COMMD10: variants seen among roughly 807,000 people sequenced by gnomAD.
COMMD10 encodes COMM domain-containing protein 10.
Under a neutral mutation model 28.9 loss-of-function variants are expected in COMMD10, and 33 were observed. The observed-to-expected ratio is 1.14, with a 90% confidence interval of 0.87 to 1.53. The LOEUF (loss-of-function observed/expected upper bound fraction) is 1.53. Among genes scored for constraint, COMMD10 ranks in the 40% most tolerant of loss-of-function variants. The probability of loss-of-function intolerance (pLI) is 0.00; values close to 1 mark genes in which losing one functional copy is unlikely to be tolerated. For missense variants in COMMD10, 310 were observed against 233.4 expected (o/e 1.33, Z -2.14); for synonymous variants, 110 against 81.7 (o/e 1.35, Z -1.87).
intron 6 of COMMD10, 47 bp from the exon 7 acceptor site, chr5:116,292,404 T>G: frequency 7.3e-7 from 1 of 1,371,524 alleles, no homozygotes; most frequent in Non-Finnish European, 9.8e-7. Flanking sequence ...GATATGAGTT[T>G]CGTTCCCTTC....
chr5:116,226,072 G>A (rs372560507), intron 5 of COMMD10, among the ~76,000 whole-genome samples: 4 of 152,066 alleles, frequency 2.6e-5, no homozygotes, highest in African/African-American at 9.6e-5. Flanking sequence ...ATGGAGTTTG[G>A]TCAGTGCCTT....
At chr5:116,132,672 C>G (rs549872514) in intron 4 of COMMD10, among the ~76,000 whole-genome samples, 1 of 152,126 alleles carries the variant, frequency 6.6e-6, no homozygotes, top group South Asian at 2.1e-4. Context: ...TATGCCAGTG[C>G]TTTTTTATAT....
chr5:116,114,700 G>A (rs1241669063), intron 4 of COMMD10, among the ~76,000 whole-genome samples: 1 of 152,206 alleles, frequency 6.6e-6, no homozygotes, highest in Non-Finnish European at 1.5e-5. Context: ...ATGGGAGAGT[G>A]GGGCTACTGG....
chr5:116,140,231 A>ATGTGTGTGTG (rs3072964), intron 5 of COMMD10, among the ~76,000 whole-genome samples: 13,110 of 146,928 alleles, frequency 0.089, 1,216 homozygotes, highest in African/African-American at 0.23. Context: ...TCATACTACT[A>ATGTGTGTGTG]TGTGTGTGTG....
At chr5:116,091,285 A>G (rs1237767069) in intron 3 of COMMD10, 96 bp downstream of exon 3, 2 of 559,598 alleles carry the variant, frequency 3.6e-6, no homozygotes, top group African/African-American at 1.9e-5. Context: ...TTAATTAAAA[A>G]GTATGCAAGA....
At chr5:116,237,304 G>C (rs1749692701) in intron 5 of COMMD10, among the ~76,000 whole-genome samples, 1 of 152,152 alleles carries the variant, frequency 6.6e-6, no homozygotes, top group African/African-American at 2.4e-5. Context: ...CTAGTGTAAA[G>C]ATTTCTTAGT....
chr5:116,149,435 A>T (rs1461879587), intron 5 of COMMD10, among the ~76,000 whole-genome samples: 1 of 148,462 alleles, frequency 6.7e-6, no homozygotes, highest in Non-Finnish European at 1.5e-5. Context: ...CGCCACACAG[A>T]CTTCCACAAT....
In COMMD10 at chr5:116,254,885, A is replaced by T. The variant is rs577587042; in HGVS notation, c.511-36632A>T. Among the ~76,000 whole-genome samples, 1,456 of 151,120 alleles carry T rather than the reference A, an allele frequency of 9.6e-3. 32 individuals carry two copies. Among genetic ancestry groups the T allele is most frequent in the African/African-American group, 0.03 (1,221 of 40,750 alleles). On this transcript the variant is annotated intron_variant, in intron 5 of 6. Transcript: ENST00000274458. ...TTTCTGTCTCGTTGATCTGTCTAAT[A>T]TTGACAGTGGGGTGTTAAAGTCTCC...
intron 4 of COMMD10, among the ~76,000 whole-genome samples, chr5:116,133,765 A>G (rs889645466): frequency 6.6e-6 from 1 of 152,204 alleles, no homozygotes; most frequent in African/African-American, 2.4e-5. Flanking sequence ...TTACTATTTA[A>G]TATTTAAAAA....
chr5:116,202,976 A>G (rs1036292120), intron 5 of COMMD10, among the ~76,000 whole-genome samples: 7 of 151,860 alleles, frequency 4.6e-5, no homozygotes, highest in African/African-American at 9.7e-5. Flanking sequence ...CTATGTCCTG[A>G]ATGGTATTGC....
chr5:116,171,700 C>G (rs1384556304), intron 5 of COMMD10, among the ~76,000 whole-genome samples: 2 of 152,052 alleles, frequency 1.3e-5, no homozygotes, highest in Non-Finnish European at 2.9e-5. Context: ...AAGCTGGAAA[C>G]CATCATTCTG....
At chr5:116,215,622 G>A (rs1023528771) in intron 5 of COMMD10, among the ~76,000 whole-genome samples, 4 of 150,546 alleles carry the variant, frequency 2.7e-5, no homozygotes, top group African/African-American at 9.7e-5. Flanking sequence ...GGGAGGCGGA[G>A]GTTGCAGTGA....
At chr5:116,104,906 AC>A (rs771421322) in intron 4 of COMMD10, among the ~76,000 whole-genome samples, 1 of 152,206 alleles carries the variant, frequency 6.6e-6, no homozygotes, top group Non-Finnish European at 1.5e-5. Context: ...GGCGTGAGCC[AC>A]CGCACCCAGC....
In COMMD10 at chr5:116,291,578, T is replaced by A; in HGVS notation, c.570+2T>A. 1 of 1,524,602 alleles carries A rather than the reference T, an allele frequency of 6.6e-7. No homozygotes were observed. Among genetic ancestry groups the A allele is most frequent in the South Asian group, 1.2e-5 (1 of 81,378 alleles). The allele number at this position is 1,524,602 out of a possible 1,614,324, so 94.4% of individuals were successfully genotyped here. On this transcript the variant is annotated splice_donor_variant, in intron 6 of 6. Transcript: ENST00000274458. LOFTEE classifies it high-confidence loss of function. ...GAGTTGTTTGATTTCTATAACAAGG[T>A]CTGTATTTTTAAAATAATTTTCTAA... is the stretch of plus-strand genomic sequence containing the variant.
intron 1 of COMMD10, 199 bp downstream of exon 1, chr5:116,085,292 G>A (rs920997808): frequency 1.7e-6 from 1 of 585,978 alleles, no homozygotes; most frequent in Non-Finnish European, 3.0e-6. Context: ...CAGTCACGGT[G>A]GTCCACCTGT....
chr5:116,275,894 C>T (rs1381346580), intron 5 of COMMD10, among the ~76,000 whole-genome samples: 1 of 151,106 alleles, frequency 6.6e-6, no homozygotes, highest in African/African-American at 2.4e-5. Flanking sequence ...ATAAGTATCC[C>T]CTATTCTTAT....
At chr5:116,205,620 G>A (rs763253035) in intron 5 of COMMD10, among the ~76,000 whole-genome samples, 14 of 151,984 alleles carry the variant, frequency 9.2e-5, no homozygotes, top group Admixed American at 2.0e-4. Context: ...ATATAGACAC[G>A]TGTGTATGTT....
intron 5 of COMMD10, among the ~76,000 whole-genome samples, chr5:116,222,671 C>T (rs544917009): frequency 2.0e-5 from 3 of 152,136 alleles, no homozygotes; most frequent in South Asian, 4.1e-4. Context: ...CAAAAGAAAA[C>T]AACATTTAGC....
intron 5 of COMMD10, among the ~76,000 whole-genome samples, chr5:116,138,290 C>T (rs1345071097): frequency 6.6e-6 from 1 of 151,720 alleles, no homozygotes; most frequent in Non-Finnish European, 1.5e-5. Flanking sequence ...CATTCTGTCA[C>T]TTGTATTAAT....
Sources: allele counts gnomAD v4.1 joint callset (sites outside exome capture counted in the v4.1 genomes callset), GRCh38; gene constraint gnomAD v4.1.1; transcripts MANE v1.5; gene names NCBI Gene and HGNC (gene_info 2026-07-23, HGNC 2026-07-21).